RNF130: variants seen among roughly 807,000 people sequenced by gnomAD.
The protein encoded by RNF130 is ring finger protein 130.
Under a neutral mutation model 44.6 loss-of-function variants are expected in RNF130, and 21 were observed. The observed-to-expected ratio is 0.47, with a 90% CI of 0.33 to 0.68. The LOEUF (loss-of-function observed/expected upper bound fraction) is 0.68, where lower values mean the gene tolerates loss of function less well. Among genes scored for constraint, RNF130 ranks in the 30% least tolerant of loss-of-function variants. RNF130 has a pLI of 0.02. For missense variants in RNF130, 479 were observed against 560.6 expected (o/e 0.85, Z 1.47); for synonymous variants, 214 against 210.4 (o/e 1.02, Z -0.15).
intron 2 of RNF130, among the ~76,000 whole-genome samples, chr5:180,018,665 A>C (rs2113099154): frequency 6.6e-6 from 1 of 152,352 alleles, no homozygotes; most frequent in Non-Finnish European, 1.5e-5. Context: ...TGGGAAGAAA[A>C]TCAAAAGGCC....
chr5:179,940,690 T>G (rs1405541832), intron 7 of RNF130, among the ~76,000 whole-genome samples: 1 of 152,114 alleles, frequency 6.6e-6, no homozygotes, highest in Non-Finnish European at 1.5e-5. Flanking sequence ...TTGGTGTGGT[T>G]TTTTTTTCAC....
Position 180,066,305 on chromosome 5 carries a change from C to A in RNF130, c.247+5151G>T, listed in dbSNP as rs543063730. On this transcript the variant is annotated intron_variant, in intron 1 of 8. Coordinates refer to ENST00000521389, the MANE Select transcript of RNF130 (RefSeq NM_018434.6). Reference sequence around the variant, plus strand: ...CATCTTCCTAATTTTCTCTTGCTGCCGCCATGTAAGAAGTACCTTCTGCCA... The same window carrying A: ...CATCTTCCTAATTTTCTCTTGCTGCAGCCATGTAAGAAGTACCTTCTGCCA... Among the ~76,000 whole-genome samples, 3 of 152,266 alleles carry A rather than the reference C, an allele frequency of 2.0e-5. No homozygotes were observed. In the South Asian group the frequency reaches 6.2e-4, roughly 32 times the overall value.
intron 1 of RNF130, among the ~76,000 whole-genome samples, chr5:180,064,109 T>C (rs946622171): frequency 2.0e-5 from 3 of 152,192 alleles, no homozygotes; most frequent in Non-Finnish European, 4.4e-5. Flanking sequence ...AATAAATTAT[T>C]TTATGTCCAT....
chr5:179,985,355 G>A (rs1367186519), intron 3 of RNF130, among the ~76,000 whole-genome samples: 2 of 151,898 alleles, frequency 1.3e-5, no homozygotes, highest in East Asian at 1.9e-4. Flanking sequence ...CTTTTGTGAT[G>A]TTTTATCTGG....
intron 1 of RNF130, among the ~76,000 whole-genome samples, chr5:180,065,725 A>C (rs1352256953): frequency 2.0e-5 from 3 of 151,582 alleles, no homozygotes; most frequent in African/African-American, 7.3e-5. Context: ...ATGCCACTGC[A>C]TTCTAGCCTG....
intron 2 of RNF130, among the ~76,000 whole-genome samples, chr5:180,033,714 A>G (rs1020942015): frequency 6.6e-6 from 1 of 151,344 alleles, no homozygotes; most frequent in African/African-American, 2.4e-5. Flanking sequence ...AAAAAGAGAG[A>G]GAGAGAGAAA....
chr5:180,028,153 C>CT (rs1764034771), intron 2 of RNF130, among the ~76,000 whole-genome samples: 1 of 152,186 alleles, frequency 6.6e-6, no homozygotes, highest in Non-Finnish European at 1.5e-5. Context: ...GCCTAGAATA[C>CT]TCTTCTCAAC....
At chr5:180,066,955 C>T (rs935627487) in intron 1 of RNF130, among the ~76,000 whole-genome samples, 8 of 152,192 alleles carry the variant, frequency 5.3e-5, no homozygotes, top group Admixed American at 2.6e-4. Context: ...CTCAACTCCC[C>T]GAGGTCAAGG....
chr5:180,000,508 T>C (rs1247552054), intron 3 of RNF130, among the ~76,000 whole-genome samples: 1 of 152,240 alleles, frequency 6.6e-6, no homozygotes, highest in African/African-American at 2.4e-5. Context: ...TCTCTCCTTC[T>C]GGAACACCCA....
At chr5:179,939,875 G>A in intron 7 of RNF130, 2 of 337,356 alleles carry the variant, frequency 5.9e-6, no homozygotes, top group Non-Finnish European at 1.1e-5. Flanking sequence ...GTTATGGAGG[G>A]TGAATCAACC....
At chr5:180,027,864 C>T (rs997336110) in intron 2 of RNF130, among the ~76,000 whole-genome samples, 2 of 152,192 alleles carry the variant, frequency 1.3e-5, no homozygotes, top group East Asian at 1.9e-4. Flanking sequence ...TCCGGCTGCC[C>T]GGCTCTGTGG....
intron 7 of RNF130, among the ~76,000 whole-genome samples, chr5:179,923,237 T>C (rs573095313): frequency 6.6e-6 from 1 of 150,932 alleles, no homozygotes; most frequent in South Asian, 2.1e-4. Flanking sequence ...AGAGTTGAAG[T>C]TCATTTTTTT....
intron 7 of RNF130, among the ~76,000 whole-genome samples, chr5:179,933,398 T>TTGTGTGTGTGTGTGTGTGTGTG (rs71001060): frequency 0.2 from 29,061 of 143,150 alleles, 3,699 homozygotes; most frequent in East Asian, 0.39. Context: ...ATAACCCTAT[T>TTGTGTGTGTGTGTGTGTGTGTG]TGTGTGTGTG....
intron 5 of RNF130, among the ~76,000 whole-genome samples, chr5:179,971,133 TCA>T (rs1196759537): frequency 1.3e-5 from 2 of 152,146 alleles, no homozygotes; most frequent in Non-Finnish European, 2.9e-5. Flanking sequence ...AAGTAGAAAG[TCA>T]CAGTCTTGTG....
chr5:179,965,145 T>C (rs1762411930), intron 7 of RNF130, among the ~76,000 whole-genome samples: 1 of 152,212 alleles, frequency 6.6e-6, no homozygotes, highest in Non-Finnish European at 1.5e-5. Flanking sequence ...TGTGTGTGTG[T>C]GATTGCAATT....
intron 2 of RNF130, among the ~76,000 whole-genome samples, chr5:180,037,939 C>T (rs1764286084): frequency 6.6e-6 from 1 of 152,134 alleles, no homozygotes; most frequent in Non-Finnish European, 1.5e-5. Flanking sequence ...CAAACTATAC[C>T]CCTGCATTTC....
At chr5:180,038,790 T>A (rs1483744965) in intron 2 of RNF130, among the ~76,000 whole-genome samples, 1 of 152,186 alleles carries the variant, frequency 6.6e-6, no homozygotes, top group Non-Finnish European at 1.5e-5. Context: ...TCTAGCTACT[T>A]CTCTGTGGTT....
At chr5:180,001,859 T>C (rs913250362) in intron 3 of RNF130, among the ~76,000 whole-genome samples, 12 of 152,140 alleles carry the variant, frequency 7.9e-5, no homozygotes, top group African/African-American at 2.9e-4. Context: ...TAGTACAGGT[T>C]CAAGCAAGCA....
rs569003513 is a variant in RNF130, at chr5:179,931,361, C to T, written c.1151-10935G>A. ...TTTAATCAGCTGTGAAAACATATTA[C>T]AGTTCTGCACATTTTCTGTGTTCTT... On this transcript the variant is annotated intron_variant, in intron 7 of 7. Coordinates refer to the RNF130 transcript ENST00000522208. Among the ~76,000 whole-genome samples, 183 of 152,326 alleles carry T rather than the reference C, an allele frequency of 1.2e-3. 1 individual carries two copies. The highest frequency in any genetic ancestry group is 1.7e-3 in the Non-Finnish European group (114 of 68,024).
Sources: allele counts gnomAD v4.1 joint callset (sites outside exome capture counted in the v4.1 genomes callset), GRCh38; gene constraint gnomAD v4.1.1; transcripts MANE v1.5; gene names NCBI Gene and HGNC (gene_info 2026-07-23, HGNC 2026-07-21).